Variants in MYO16 observed in about 807,000 individuals in gnomAD.
The protein encoded by MYO16 is unconventional myosin-XVI.
A neutral mutation model predicts 205.3 loss-of-function variants in MYO16; 94 were observed. The ratio of observed to expected loss-of-function variants is 0.46; its 90% CI spans 0.39 to 0.54. MYO16 has a LOEUF of 0.54. Ranked by LOEUF, MYO16 falls within the 20% of genes least tolerant of loss-of-function variation. MYO16 has a pLI of 0.00. For synonymous variants in MYO16, 988 were observed against 954.0 expected (o/e 1.04, Z -0.66); for missense variants, 2,315 against 2,387.5 (o/e 0.97, Z 0.63).
chr13:109,021,173 A>T (rs1212715012), intron 23 of MYO16, among the ~76,000 whole-genome samples: 1 of 152,154 alleles, frequency 6.6e-6, no homozygotes, highest in Non-Finnish European at 1.5e-5. Context: ...CATTCTACCT[A>T]TTTAAGTAGG....
intron 32 of MYO16, among the ~76,000 whole-genome samples, chr13:109,154,280 C>T (rs1877863760): frequency 6.6e-6 from 1 of 152,176 alleles, no homozygotes; most frequent in African/African-American, 2.4e-5. Flanking sequence ...GGCTGCTGCC[C>T]TGAGCTCTCA....
In MYO16 at chr13:108,624,066, G is replaced by A. The variant is rs548122872; in HGVS notation, c.-39+27827G>A. The stretch of plus-strand genomic sequence containing the variant: ...ATAAGAGCATGATTCAACTAAAGAG[G>A]CATATTTTGTTTAAAAAATCCATGT... On this transcript the variant is annotated intron_variant, in intron 1 of 24. Transcript: ENST00000251041. Among the ~76,000 whole-genome samples the A allele has an allele frequency of 1.6e-3, 236 of 152,238 alleles. 2 individuals carry two copies. The highest frequency in any genetic ancestry group is 2.4e-3 in the Non-Finnish European group (163 of 67,996).
chr13:108,860,492 G>A (rs1878401412), intron 11 of MYO16, among the ~76,000 whole-genome samples: 2 of 152,160 alleles, frequency 1.3e-5, no homozygotes, highest in African/African-American at 4.8e-5. Context: ...TATGTTTATG[G>A]TAGAGTGATT....
chr13:108,979,472 C>T (rs963412848), intron 20 of MYO16, among the ~76,000 whole-genome samples: 7 of 151,968 alleles, frequency 4.6e-5, no homozygotes, highest in Non-Finnish European at 8.8e-5. Context: ...CCATGTTTTT[C>T]CCTTCTTCAT....
At chr13:108,713,496 C>CCA (rs1489276809) in intron 3 of MYO16, among the ~76,000 whole-genome samples, 1 of 152,184 alleles carries the variant, frequency 6.6e-6, no homozygotes, top group Non-Finnish European at 1.5e-5. Flanking sequence ...CTTGATTGCA[C>CCA]CTGGGGATCA....
At chr13:108,552,634 A>G in the MYO16 span, among the ~76,000 whole-genome samples, 1 of 152,186 alleles carries the variant, frequency 6.6e-6, no homozygotes, top group Non-Finnish European at 1.5e-5. Flanking sequence ...ACATTCTCAG[A>G]TGAGTATCAT....
intron 16 of MYO16, among the ~76,000 whole-genome samples, chr13:108,943,753 T>G (rs1445579875): frequency 6.6e-6 from 1 of 151,616 alleles, no homozygotes; most frequent in Non-Finnish European, 1.5e-5. Context: ...GCCTGGCTAA[T>G]TTTTTGTATT....
intron 33 of MYO16, among the ~76,000 whole-genome samples, chr13:109,178,757 G>T (rs2139913337): frequency 6.6e-6 from 1 of 152,266 alleles, no homozygotes; most frequent in African/African-American, 2.4e-5. Context: ...CCACAAATGG[G>T]GGTGCTGCTG....
At chr13:109,071,903 C>G (rs1887936524) in intron 27 of MYO16, among the ~76,000 whole-genome samples, 1 of 152,082 alleles carries the variant, frequency 6.6e-6, no homozygotes, top group Non-Finnish European at 1.5e-5. Flanking sequence ...CACTGCCTGG[C>G]TAAGACCAAT....
intron 7 of MYO16, among the ~76,000 whole-genome samples, chr13:108,817,597 T>G (rs1286587806): frequency 6.6e-6 from 1 of 152,216 alleles, no homozygotes; most frequent in East Asian, 1.9e-4. Flanking sequence ...GTACACACAT[T>G]TGCCCAAATT....
intron 27 of MYO16, among the ~76,000 whole-genome samples, chr13:109,068,859 G>A (rs963153690): frequency 4.3e-4 from 66 of 152,272 alleles, no homozygotes; most frequent in African/African-American, 1.5e-3. Context: ...CCAAAGTGCT[G>A]GAATTACAGG....
intron 6 of MYO16, among the ~76,000 whole-genome samples, chr13:108,806,185 C>T (rs1444350649): frequency 9.9e-5 from 15 of 152,190 alleles, no homozygotes; most frequent in African/African-American, 3.1e-4. Context: ...TTTAAGCCGC[C>T]GGGATTAGTT....
chr13:109,146,362 G>A (rs1306454669), intron 32 of MYO16, among the ~76,000 whole-genome samples: 1 of 152,008 alleles, frequency 6.6e-6, no homozygotes, highest in African/African-American at 2.4e-5. Context: ...TTTTCCTTAT[G>A]GAAAATTTCA....
At chr13:108,742,252 C>T (rs1028184732) in intron 4 of MYO16, among the ~76,000 whole-genome samples, 3 of 152,046 alleles carry the variant, frequency 2.0e-5, no homozygotes, top group Admixed American at 2.0e-4. Flanking sequence ...ACTCAGCCTC[C>T]CAAAGTGCTG....
At chr13:108,678,101 G>T (rs1882309584) in intron 2 of MYO16, among the ~76,000 whole-genome samples, 1 of 152,246 alleles carries the variant, frequency 6.6e-6, no homozygotes, top group African/African-American at 2.4e-5. Flanking sequence ...CTACAGGGAA[G>T]ATGTAGACGT....
At chr13:109,034,986 T>C (rs1886668934) in intron 23 of MYO16, among the ~76,000 whole-genome samples, 1 of 152,192 alleles carries the variant, frequency 6.6e-6, no homozygotes, top group Non-Finnish European at 1.5e-5. Flanking sequence ...TCCCAGCACA[T>C]GGCCCATGAG....
intron 34 of MYO16, among the ~76,000 whole-genome samples, chr13:109,187,056 A>G (rs1376345058): frequency 2.6e-5 from 4 of 152,224 alleles, no homozygotes; most frequent in Non-Finnish European, 5.9e-5. Context: ...ATTTTTGCCA[A>G]TATGATAAAT....
At chr13:108,619,824 T>C (rs553380788) in intron 1 of MYO16, among the ~76,000 whole-genome samples, 1 of 152,060 alleles carries the variant, frequency 6.6e-6, no homozygotes, top group African/African-American at 2.4e-5. Flanking sequence ...AACACCAACA[T>C]GTAGGGTTGA....
chr13:108,970,976 G>A (rs1883986736), intron 20 of MYO16, among the ~76,000 whole-genome samples: 1 of 152,072 alleles, frequency 6.6e-6, no homozygotes, highest in Non-Finnish European at 1.5e-5. Flanking sequence ...GATCTAAAGT[G>A]TATTTAATTT....
Sources: gnomAD v4.1 joint callset for allele counts (sites outside exome capture counted in the v4.1 genomes callset) on GRCh38, gnomAD v4.1.1 for gene constraint, MANE v1.5 for transcripts, NCBI Gene and HGNC (gene_info 2026-07-23, HGNC 2026-07-21) for gene names.